VIPR2: variants seen among roughly 807,000 people sequenced by gnomAD.
VIPR2 encodes vasoactive intestinal polypeptide receptor 2.
A neutral mutation model predicts 58.0 loss-of-function variants in VIPR2; 48 were observed. The observed-to-expected ratio is 0.83, with a 90% CI of 0.66 to 1.05. The LOEUF (loss-of-function observed/expected upper bound fraction) is 1.05, where lower values mean the gene tolerates loss of function less well. VIPR2 is among the 50% of genes least tolerant of loss of function. VIPR2 has a pLI of 0.00. For synonymous variants in VIPR2, 243 were observed against 235.2 expected, an observed-to-expected ratio of 1.03 and a Z score of -0.30; for missense variants, 534 against 558.0, an observed-to-expected ratio of 0.96 and a Z score of 0.43.
intron 4 of VIPR2, among the ~76,000 whole-genome samples, chr7:159,063,542 C>A (rs920680460): frequency 6.6e-6 from 1 of 151,968 alleles, no homozygotes. Flanking sequence ...CTGAGGGAGC[C>A]GGCTCTGGCT....
intron 5 of VIPR2, among the ~76,000 whole-genome samples, chr7:159,051,245 T>A (rs1358007278): frequency 6.6e-6 from 1 of 152,126 alleles, no homozygotes; most frequent in Non-Finnish European, 1.5e-5. Context: ...ATATATGGAA[T>A]TAAAATACAT....
At chr7:159,083,295 C>T (rs544769640) in intron 4 of VIPR2, among the ~76,000 whole-genome samples, 50 of 152,342 alleles carry the variant, frequency 3.3e-4, no homozygotes, top group Middle Eastern at 3.4e-3. Context: ...CAGCTTCATC[C>T]GGAACCTTAT....
chr7:159,042,386 G>T (rs191192381), intron 6 of VIPR2, among the ~76,000 whole-genome samples: 1 of 152,174 alleles, frequency 6.6e-6, no homozygotes, highest in Non-Finnish European at 1.5e-5. Flanking sequence ...GTGCTCAACA[G>T]CACCTGCTAT....
intron 2 of VIPR2, among the ~76,000 whole-genome samples, chr7:159,141,793 T>C (rs1797477510): frequency 6.6e-6 from 1 of 152,198 alleles, no homozygotes. Context: ...ATTTAATTTC[T>C]TTCTTGAAGA....
intron 4 of VIPR2, among the ~76,000 whole-genome samples, chr7:159,068,849 G>A (rs1410321879): frequency 1.3e-5 from 2 of 152,172 alleles, no homozygotes; most frequent in Admixed American, 6.5e-5. Context: ...CAATTATCTT[G>A]TGATCAGAGT....
In VIPR2 at chr7:159,086,069, A is replaced by G. The variant is rs142283916; in HGVS notation, c.357+17688T>C. On this transcript the variant is annotated intron_variant, in intron 4 of 12. Transcript: ENST00000262178. ...GTTGTAACAAGTGCACCACATTAACAAAACATGTTAATAAGAGGCACTGGG... is the reference window on the plus strand; with the variant it reads ...GTTGTAACAAGTGCACCACATTAACGAAACATGTTAATAAGAGGCACTGGG... 6.7e-3 allele frequency among the ~76,000 whole-genome samples: 1,013 copies of G among 152,320 alleles called. 5 individuals carry two copies. The highest frequency in any genetic ancestry group is 0.012 in the Non-Finnish European group (783 of 68,028).
chr7:159,038,585 T>G (rs1854120746), intron 6 of VIPR2, among the ~76,000 whole-genome samples: 2 of 152,068 alleles, frequency 1.3e-5, no homozygotes, highest in African/African-American at 4.8e-5. Context: ...AAATCAAGTT[T>G]TAAAATCTCT....
At chr7:159,137,383 A>T (rs570982088) in intron 2 of VIPR2, among the ~76,000 whole-genome samples, 3 of 152,214 alleles carry the variant, frequency 2.0e-5, no homozygotes, top group Non-Finnish European at 4.4e-5. Context: ...ACTTTAAAAA[A>T]AAATAGAGAC....
Position 159,096,652 on chromosome 7 carries a change from G to A in VIPR2, c.357+7105C>T, listed in dbSNP as rs1231177682. Among the ~76,000 whole-genome samples, 2 of 152,168 alleles carry A rather than the reference G, an allele frequency of 1.3e-5. No homozygotes were observed. Among genetic ancestry groups the A allele is most frequent in the African/African-American group, 4.8e-5 (2 of 41,438 alleles). ...CCTGAAAAGACTCATCCATTTATTT[G>A]GAAAGTATTAAGCATCACATGCACA... On this transcript the variant is annotated intron_variant, in intron 4 of 12. Transcript: ENST00000262178. The surrounding 1 kb of genome is among the most constrained non-coding windows in gnomAD (Gnocchi z 5.5).
chr7:159,107,120 T>C (rs2864943), intron 3 of VIPR2, among the ~76,000 whole-genome samples: 54,423 of 152,062 alleles, frequency 0.36, 11,841 homozygotes, highest in African/African-American at 0.62. Context: ...CCAAGCCCCA[T>C]GAGCCTACAT....
At chr7:159,142,987 G>A (rs1797535724) in intron 1 of VIPR2, among the ~76,000 whole-genome samples, 2 of 152,162 alleles carry the variant, frequency 1.3e-5, no homozygotes, top group South Asian at 2.1e-4. Flanking sequence ...TAAAGGTGTT[G>A]GTACATGTTC....
At position 159,114,617 on chromosome 7, in the gene VIPR2, C is replaced by T. The variant is rs117982248; in HGVS notation, c.152-4698G>A. ...TAAAATAGTAAAATAATGAGACTCC[C>T]TTAACATCACAGAGAATATTTGTTA... On this transcript the variant is annotated intron_variant, in intron 2 of 12. Coordinates refer to ENST00000262178, the MANE Select transcript of VIPR2 (RefSeq NM_003382.5). 3.4e-4 allele frequency among the ~76,000 whole-genome samples: 52 copies of T among 152,170 alleles called. 3 individuals are homozygous for T. In the East Asian group the frequency reaches 0.01, roughly 29 times the overall value.
chr7:159,137,573 G>C (rs1797281605), intron 2 of VIPR2, among the ~76,000 whole-genome samples: 1 of 152,124 alleles, frequency 6.6e-6, no homozygotes, highest in African/African-American at 2.4e-5. Flanking sequence ...GTCTTGCTAT[G>C]TTAATCAGGC....
At chr7:159,036,042 G>T in intron 7 of VIPR2, 30 bp from the exon 8 acceptor site, 1 of 1,607,032 alleles carries the variant, frequency 6.2e-7, no homozygotes. Flanking sequence ...TACACAGGTG[G>T]AGCGGAGCGG....
chr7:159,034,695 G>C, intron 8 of VIPR2, 45 bp from the exon 9 acceptor site: 2 of 1,560,932 alleles, frequency 1.3e-6, no homozygotes. Context: ...AACCACTTTC[G>C]CAAGACAGGT....
At chr7:159,129,154 TGGGGGGACAGGGC>T (rs1563351697) in intron 2 of VIPR2, among the ~76,000 whole-genome samples, 28 of 56,902 alleles carry the variant, frequency 4.9e-4, no homozygotes, top group Middle Eastern at 0.012. Context: ...GGGACAGGGC[TGGGGGGACAGGGC>T]CAGGTGACCA....
chr7:159,057,622 G>GAAAT (rs1472485455), intron 5 of VIPR2, among the ~76,000 whole-genome samples: 2 of 152,154 alleles, frequency 1.3e-5, no homozygotes, highest in Admixed American at 1.3e-4. Flanking sequence ...TTAGCAAAGA[G>GAAAT]AAATAAAATA....
chr7:159,063,777 A>AGGTGGGGTCTGGGGGGCCT (rs1855878484), intron 4 of VIPR2, among the ~76,000 whole-genome samples: 1 of 15,050 alleles, frequency 6.6e-5, no homozygotes, highest in Admixed American at 8.3e-4. Context: ...CTGGGAGTCC[A>AGGTGGGGTCTGGGGGGCCT]GGTGGGGTCT....
chr7:159,122,786 T>C (rs1384660488), intron 2 of VIPR2, among the ~76,000 whole-genome samples: 1 of 152,204 alleles, frequency 6.6e-6, no homozygotes, highest in Non-Finnish European at 1.5e-5. Context: ...CTATTATCAA[T>C]TTAAAGGACT....
Sources: allele counts gnomAD v4.1 joint callset (sites outside exome capture counted in the v4.1 genomes callset), GRCh38; gene constraint gnomAD v4.1.1; non-coding constraint Gnocchi (gnomAD v3.1); transcripts MANE v1.5; gene names NCBI Gene and HGNC (gene_info 2026-07-23, HGNC 2026-07-21).